Variants in MRPL48 observed in about 807,000 individuals in gnomAD.
MRPL48 encodes the protein mitochondrial ribosomal protein L48.
In MRPL48, 16 loss-of-function variants were observed where a neutral mutation model predicts 32.9. The observed-to-expected ratio is 0.49, with a 90% confidence interval of 0.33 to 0.74. The LOEUF (loss-of-function observed/expected upper bound fraction) is 0.74. Ranked by LOEUF, MRPL48 falls within the 30% of genes least tolerant of loss-of-function variation. The pLI is 0.02. For synonymous variants in MRPL48, 94 were observed against 89.2 expected (o/e 1.05, Z -0.31); for missense variants, 206 against 245.3 (o/e 0.84, Z 1.07).
At chr11:73,860,759 A>C (rs572458642) in intron 6 of MRPL48, among the ~76,000 whole-genome samples, 1 of 152,322 alleles carries the variant, frequency 6.6e-6, no homozygotes, top group Non-Finnish European at 1.5e-5. Context: ...GAAGTATACA[A>C]TAAAAACGGT....
chr11:73,846,067 C>CAAA (rs749259766), intron 5 of MRPL48, among the ~76,000 whole-genome samples: 24 of 57,714 alleles, frequency 4.2e-4, no homozygotes, highest in African/African-American at 8.8e-4. Flanking sequence ...GACCCTGTCT[C>CAAA]AAAAAAAAAA....
rs1437778481 is a variant in MRPL48 at position 73,864,620 on chromosome 11, TGAGA to T, written c.*257_*260del. On this transcript the variant is annotated 3_prime_UTR_variant, in exon 8 of 8. Transcript: ENST00000310614. The stretch of plus-strand genomic sequence containing the variant: ...GCAGATGTGTATATGTATGTGTGTG[TGAGA>T]GAGAGAAATTGGCCCATCCTGTGGA... The T allele has an allele frequency of 2.0e-6, 1 of 499,670 alleles. No homozygotes were observed. Among genetic ancestry groups the T allele is most frequent in the African/African-American group, 1.9e-5 (1 of 52,396 alleles). 31.0% of individuals were successfully genotyped at this position (499,670 alleles called of 1,614,324 possible).
intron 3 of MRPL48, among the ~76,000 whole-genome samples, chr11:73,813,545 A>G (rs1435995168): frequency 6.6e-6 from 1 of 152,064 alleles, no homozygotes; most frequent in Non-Finnish European, 1.5e-5. Context: ...AGAACTTTTA[A>G]TATAGTTCTT....
At chr11:73,805,293 C>CTTTTTTTTTTTTTTTTTTTT (rs11335180) in intron 2 of MRPL48, among the ~76,000 whole-genome samples, 1 of 136,894 alleles carries the variant, frequency 7.3e-6, no homozygotes, top group Non-Finnish European at 1.6e-5. Context: ...TGATGCTGTT[C>CTTTTTTTTTTTTTTTTTTTT]TTTTTTTTTT....
chr11:73,846,962 T>C (rs1279080075), intron 5 of MRPL48, among the ~76,000 whole-genome samples: 3 of 150,528 alleles, frequency 2.0e-5, no homozygotes, highest in Admixed American at 6.6e-5. Flanking sequence ...CCAGGCTTCC[T>C]TTCTTTTTTT....
intron 1 of MRPL48, among the ~76,000 whole-genome samples, chr11:73,803,577 G>A (rs942167442): frequency 1.3e-5 from 2 of 151,744 alleles, no homozygotes; most frequent in African/African-American, 2.4e-5. Flanking sequence ...TTTAATCGTC[G>A]TCTTTTCCGT....
At chr11:73,814,635 C>T (rs1323705376) in intron 3 of MRPL48, among the ~76,000 whole-genome samples, 1 of 151,516 alleles carries the variant, frequency 6.6e-6, no homozygotes, top group Non-Finnish European at 1.5e-5. Flanking sequence ...GCGGAGGTTG[C>T]AGTGAGCTGG....
chr11:73,840,015 T>A (rs1948161134), intron 4 of MRPL48, among the ~76,000 whole-genome samples: 2 of 151,612 alleles, frequency 1.3e-5, no homozygotes, highest in Non-Finnish European at 2.9e-5. Context: ...GGAGGATCAC[T>A]TGAGACCCGG....
At chr11:73,811,127 C>A (rs1947558441) in intron 3 of MRPL48, among the ~76,000 whole-genome samples, 1 of 152,074 alleles carries the variant, frequency 6.6e-6, no homozygotes, top group Admixed American at 6.5e-5. Flanking sequence ...TCATGGCAGG[C>A]AAGAGGAGAG....
At chr11:73,805,805 T>C (rs1178449006) in intron 2 of MRPL48, among the ~76,000 whole-genome samples, 3 of 151,716 alleles carry the variant, frequency 2.0e-5, no homozygotes, top group Non-Finnish European at 4.4e-5. Flanking sequence ...ACTACAGGCA[T>C]GTACTAGCAT....
chr11:73,828,293 C>T (rs1410223331), intron 4 of MRPL48, among the ~76,000 whole-genome samples: 2 of 149,858 alleles, frequency 1.3e-5, no homozygotes, highest in South Asian at 2.1e-4. Context: ...GGTGCGATCT[C>T]GGCTCACTAC....
At chr11:73,846,135 C>T (rs1241374384) in intron 5 of MRPL48, among the ~76,000 whole-genome samples, 1 of 151,456 alleles carries the variant, frequency 6.6e-6, no homozygotes, top group Non-Finnish European at 1.5e-5. Flanking sequence ...TAAATAACTG[C>T]CCATTCCTTC....
Position 73,825,797 on chromosome 11 carries a change from G to T in MRPL48, c.201+1G>T, listed in dbSNP as rs1300967122. On this transcript the variant is annotated splice_donor_variant, in intron 4 of 7. Transcript: ENST00000310614. LOFTEE classifies it high-confidence loss of function. Reference sequence around the variant, plus strand: ...CAAGCACTTAATTAAAGCAGAAGAGGTAACGGGCAGGGGGAGTCTTTTGGA... The same window carrying T: ...CAAGCACTTAATTAAAGCAGAAGAGTTAACGGGCAGGGGGAGTCTTTTGGA... 1.9e-6 allele frequency: 3 copies of T among 1,559,084 alleles called. No homozygotes were observed. Among genetic ancestry groups the T allele is most frequent in the African/African-American group, 1.4e-5 (1 of 73,290 alleles).
At chr11:73,826,477 T>G (rs565989874) in intron 4 of MRPL48, among the ~76,000 whole-genome samples, 3 of 152,080 alleles carry the variant, frequency 2.0e-5, no homozygotes, top group Non-Finnish European at 4.4e-5. Flanking sequence ...ACTGATACTT[T>G]TTTGTTTGTT....
intron 1 of MRPL48, among the ~76,000 whole-genome samples, chr11:73,803,579 C>A (rs1039439427): frequency 1.1e-4 from 16 of 152,080 alleles, no homozygotes; most frequent in Non-Finnish European, 2.9e-5. Context: ...TAATCGTCGT[C>A]TTTTCCGTAG....
chr11:73,827,581 C>G (rs1259890870), intron 4 of MRPL48, among the ~76,000 whole-genome samples: 2 of 152,166 alleles, frequency 1.3e-5, no homozygotes, highest in African/African-American at 2.4e-5. Context: ...TCAAGCCTGT[C>G]ACTTCCTGCA....
intron 3 of MRPL48, among the ~76,000 whole-genome samples, chr11:73,816,830 AT>A (rs34704077): frequency 1.6e-3 from 222 of 141,458 alleles, no homozygotes; most frequent in Admixed American, 1.8e-3. Flanking sequence ...TTTGTTTATT[AT>A]TTTTTTTTTT....
At chr11:73,813,719 A>C (rs1234648960) in intron 3 of MRPL48, among the ~76,000 whole-genome samples, 1 of 152,052 alleles carries the variant, frequency 6.6e-6, no homozygotes, top group Non-Finnish European at 1.5e-5. Context: ...TTCATGCTTA[A>C]AAAGGTCTTT....
chr11:73,833,855 T>A (rs2135029292), intron 4 of MRPL48, among the ~76,000 whole-genome samples: 1 of 152,284 alleles, frequency 6.6e-6, no homozygotes, highest in Non-Finnish European at 1.5e-5. Flanking sequence ...TTTTATTTTT[T>A]AAATTGATTA....
Sources: gnomAD v4.1 joint callset for allele counts (sites outside exome capture counted in the v4.1 genomes callset) on GRCh38, gnomAD v4.1.1 for gene constraint, MANE v1.5 for transcripts, NCBI Gene and HGNC (gene_info 2026-07-23, HGNC 2026-07-21) for gene names.